Variants in BMPR1B observed in about 807,000 individuals in gnomAD.
The protein encoded by BMPR1B is bone morphogenetic protein receptor type-1B.
Under a neutral mutation model 59.1 loss-of-function variants are expected in BMPR1B, and 12 were observed. The ratio of observed to expected loss-of-function variants is 0.20; its 90% CI spans 0.13 to 0.33. The LOEUF is 0.33. Among genes scored for constraint, BMPR1B ranks in the 10% least tolerant of loss-of-function variants. BMPR1B has a pLI of 1.00. For synonymous variants in BMPR1B, 237 were observed against 207.3 expected (o/e 1.14, Z -1.23); for missense variants, 550 against 610.9 (o/e 0.90, Z 1.05).
At chr4:94,984,159 G>A (rs1721259719) in intron 2 of BMPR1B, among the ~76,000 whole-genome samples, 1 of 152,180 alleles carries the variant, frequency 6.6e-6, no homozygotes, top group South Asian at 2.1e-4. Context: ...ATAAGTCTGT[G>A]CACTGACTTC....
At chr4:95,036,959 G>A (rs35697886) in intron 3 of BMPR1B, among the ~76,000 whole-genome samples, 40,580 of 151,940 alleles carry the variant, frequency 0.27, 6,336 homozygotes, top group South Asian at 0.42. Context: ...AACTGGTGCT[G>A]CTGTTGCCTT....
rs192099536 is a variant in BMPR1B, at chr4:94,766,542, A to G, written c.-183+8474A>G. ...GCCTCTGCAGGTCACTGAGCATGAGATTTACAGTGTATAATGTTTTCTAAA... is the reference window on the plus strand; with the variant it reads ...GCCTCTGCAGGTCACTGAGCATGAGGTTTACAGTGTATAATGTTTTCTAAA... On this transcript the variant is annotated intron_variant, in intron 1 of 12. Transcript: ENST00000515059. Among the ~76,000 whole-genome samples, 671 of 151,664 alleles carry G rather than the reference A, an allele frequency of 4.4e-3. 3 individuals carry two copies. Among genetic ancestry groups the G allele is most frequent in the African/African-American group, 0.015 (638 of 41,382 alleles).
intron 2 of BMPR1B, among the ~76,000 whole-genome samples, chr4:94,990,885 G>T (rs1721705969): frequency 6.6e-6 from 1 of 152,174 alleles, no homozygotes; most frequent in African/African-American, 2.4e-5. Flanking sequence ...TTTTGAAAGA[G>T]TGACTTGATT....
At chr4:94,979,390 C>G (rs1192274121) in intron 2 of BMPR1B, among the ~76,000 whole-genome samples, 1 of 152,026 alleles carries the variant, frequency 6.6e-6, no homozygotes, top group East Asian at 1.9e-4. Flanking sequence ...TCAAGTTTTA[C>G]TATATAAACA....
At chr4:94,840,103 G>T (rs1724995597) in intron 1 of BMPR1B, among the ~76,000 whole-genome samples, 1 of 150,968 alleles carries the variant, frequency 6.6e-6, no homozygotes, top group Non-Finnish European at 1.5e-5. Context: ...ACTCCCTTCT[G>T]GCTTGTAGAG....
intron 1 of BMPR1B, among the ~76,000 whole-genome samples, chr4:94,763,836 A>G (rs1191867191): frequency 6.6e-6 from 1 of 152,212 alleles, no homozygotes; most frequent in Non-Finnish European, 1.5e-5. Context: ...TATAAAATGT[A>G]TTAAATTATC....
rs138174004 is a variant in BMPR1B at position 94,947,698 on chromosome 4, G to A, written c.-112-48342G>A. Among the ~76,000 whole-genome samples, 12 of 152,316 alleles carry A rather than the reference G, an allele frequency of 7.9e-5. No homozygotes were observed. In the East Asian group the frequency reaches 2.1e-3, roughly 27 times the overall value. On this transcript the variant is annotated intron_variant, in intron 2 of 12. Coordinates refer to ENST00000515059, the MANE Select transcript of BMPR1B (RefSeq NM_001203.3). ...TTGTGTGACAGTCCCTGCTGGGCAC[G>A]TAGTCAGTGATGGCGAGGTAAGATT...
intron 3 of BMPR1B, among the ~76,000 whole-genome samples, chr4:95,013,365 G>A (rs1343012124): frequency 6.6e-6 from 1 of 152,020 alleles, no homozygotes; most frequent in African/African-American, 2.4e-5. Flanking sequence ...AGAAATCATG[G>A]ACATTTGCTT....
chr4:95,002,482 A>T (rs1722519897), intron 3 of BMPR1B, among the ~76,000 whole-genome samples: 1 of 152,122 alleles, frequency 6.6e-6, no homozygotes, highest in South Asian at 2.1e-4. Context: ...TTTCTTTTAG[A>T]TCTATGCCCA....
Position 95,108,974 on chromosome 4 carries a change from C to T in BMPR1B, c.143+4407C>T, listed in dbSNP as rs964749279. Among the ~76,000 whole-genome samples, 17 of 152,120 alleles carry T rather than the reference C, an allele frequency of 1.1e-4. No individual in the cohort carries two copies. In the South Asian group the frequency reaches 3.3e-3, roughly 30 times the overall value. On this transcript the variant is annotated intron_variant, in intron 4 of 12. Coordinates refer to ENST00000515059, the MANE Select transcript of BMPR1B (RefSeq NM_001203.3). ...ACATGCCAGTGTTCTGTTTCAGTTT[C>T]CTGTCCTAGCAAGTGTTATCTCAGC...
chr4:94,899,394 A>C (rs1032905313), intron 2 of BMPR1B, among the ~76,000 whole-genome samples: 17 of 151,576 alleles, frequency 1.1e-4, no homozygotes, highest in Admixed American at 2.6e-4. Context: ...AGTTTGACTA[A>C]TGCTTTGGAT....
At position 94,890,038 on chromosome 4, in the gene BMPR1B, G is replaced by A. The variant is rs1260386829; in HGVS notation, c.-113+14138G>A. The stretch of plus-strand genomic sequence containing the variant: ...TAGTGTGTTGGCATCTAGCAAGTGC[G>A]TTTTGCTGTGGGGTAAGTTCTGTGG... On this transcript the variant is annotated intron_variant, in intron 2 of 12. Transcript: ENST00000515059. 2.6e-5 allele frequency among the ~76,000 whole-genome samples: 4 copies of A among 152,062 alleles called. No homozygotes were observed. The South Asian group carries it at 6.2e-4, about 24-fold the overall frequency.
At chr4:95,135,321 C>T (rs1404768090) in intron 10 of BMPR1B, among the ~76,000 whole-genome samples, 3 of 152,092 alleles carry the variant, frequency 2.0e-5, no homozygotes, top group Admixed American at 6.5e-5. Flanking sequence ...GTTCTTTTGG[C>T]TTAGGATTGA....
intron 2 of BMPR1B, among the ~76,000 whole-genome samples, chr4:94,988,852 G>A (rs574294621): frequency 1.5e-3 from 229 of 151,794 alleles, no homozygotes; most frequent in African/African-American, 5.1e-3. Context: ...TATGAAAAAA[G>A]CCCCTTTTTT....
chr4:94,970,291 CTTCTCTTCTCTTCT>C lies in BMPR1B; in HGVS notation c.-112-25742_-112-25729del, dbSNP rs1190611967. Among the ~76,000 whole-genome samples the C allele has an allele frequency of 3.5e-3, 185 of 53,344 alleles. 1 individual carries two copies. Among genetic ancestry groups the C allele is most frequent in the Non-Finnish European group, 7.8e-3 (144 of 18,438 alleles). The allele number at this position is 53,344 out of a possible 152,430, so 35.0% of individuals were successfully genotyped here. A position where few individuals can be genotyped will look rare whatever the true frequency, so the allele number is the denominator to read the frequency against. On this transcript the variant is annotated intron_variant, in intron 2 of 12. Transcript: ENST00000515059. ...CTTCTCTTCTCTTCTCTTCTCTTCTCTTCTCTTCTCTTCTTTCTCTCTCTCTTTCTCTCTTTTTC... is the reference window on the plus strand; with the variant it reads ...CTTCTCTTCTCTTCTCTTCTCTTCTCTTCTCTCTCTCTTTCTCTCTTTTTC...
At chr4:94,867,451 A>T (rs918266213) in intron 1 of BMPR1B, among the ~76,000 whole-genome samples, 1 of 152,222 alleles carries the variant, frequency 6.6e-6, no homozygotes, top group Admixed American at 6.5e-5. Context: ...GCAATAGATC[A>T]TTAATTCTTG....
At chr4:94,921,226 C>A (rs1358299872) in intron 2 of BMPR1B, among the ~76,000 whole-genome samples, 1 of 152,006 alleles carries the variant, frequency 6.6e-6, no homozygotes, top group Non-Finnish European at 1.5e-5. Context: ...CCTCAGAGTG[C>A]ACTGTTAGCT....
intron 1 of BMPR1B, among the ~76,000 whole-genome samples, chr4:94,854,900 T>C (rs1725699503): frequency 6.6e-6 from 1 of 152,214 alleles, no homozygotes; most frequent in Admixed American, 6.5e-5. Context: ...AGCATCAGTA[T>C]TTTTCTTTTT....
chr4:95,012,045 A>C (rs997976356), intron 3 of BMPR1B, among the ~76,000 whole-genome samples: 11 of 152,160 alleles, frequency 7.2e-5, no homozygotes, highest in Non-Finnish European at 1.2e-4. Flanking sequence ...ACAACAAAAA[A>C]AAAAAAGAAA....
Sources: allele counts gnomAD v4.1 joint callset (sites outside exome capture counted in the v4.1 genomes callset), GRCh38; gene constraint gnomAD v4.1.1; transcripts MANE v1.5; gene names NCBI Gene and HGNC (gene_info 2026-07-23, HGNC 2026-07-21).